The following MYO19 variants were observed in gnomAD, a reference collection of about 807,000 sequenced individuals.
The protein encoded by MYO19 is myosin XIX.
In MYO19, 132 loss-of-function variants were observed where a neutral mutation model predicts 129.2. The observed-to-expected ratio is 1.02, with a 90% confidence interval of 0.89 to 1.18. The LOEUF is 1.18. MYO19 is among the 50% of genes most tolerant of loss of function. MYO19 has a pLI of 0.00. For missense variants in MYO19, 1,210 were observed against 1,216.7 expected, an observed-to-expected ratio of 0.99 and a Z score of 0.08; for synonymous variants, 531 against 477.2, an observed-to-expected ratio of 1.11 and a Z score of -1.47.
Position 36,507,899 on chromosome 17 carries a change from T to C in MYO19, c.1257A>G (p.Glu419=). ...FIGLLDVYGF[E]SFPDNSLEQL... is the part of the protein sequence containing the mutation. Reference sequence around the variant, plus strand: ...GTTCCAGACTGTTGTCAGGAAATGATTCAAATCCATACACATCCAGCAGGC... The same window carrying C: ...GTTCCAGACTGTTGTCAGGAAATGACTCAAATCCATACACATCCAGCAGGC... Residue 419 remains glutamate (E), a synonymous_variant, in exon 15 of 26, where the codon GAA becomes GAG. Coordinates refer to ENST00000614623, the MANE Select transcript of MYO19 (RefSeq NM_001163735.2). 1 of 1,611,556 alleles carries C rather than the reference T, an allele frequency of 6.2e-7. No individual in the cohort carries two copies. Among genetic ancestry groups the C allele is most frequent in the East Asian group, 2.2e-5 (1 of 44,802 alleles).
Position 36,513,791 on chromosome 17 carries a change from G to A in MYO19, c.721-66C>T, listed in dbSNP as rs2072539770. The A allele has an allele frequency of 5.6e-6, 8 of 1,423,928 alleles. No individual in the cohort carries two copies. In the South Asian group the frequency reaches 9.7e-5, roughly 17 times the overall value. The allele number at this position is 1,423,928 out of a possible 1,614,324, so 88.2% of individuals were successfully genotyped here. ...AGAAAAGCCCAGGCCTGCATAGGCA[G>A]GCATGGGGTTGGGATAAGAGGAGAG... On this transcript the variant is annotated intron_variant, in intron 9 of 25. Coordinates refer to ENST00000614623, the MANE Select transcript of MYO19 (RefSeq NM_001163735.2).
At chr17:36,498,739 G>C in intron 24 of MYO19, 180 bp from the exon 25 acceptor site, 1 of 655,462 alleles carries the variant, frequency 1.5e-6, no homozygotes, top group Non-Finnish European at 2.6e-6. Flanking sequence ...TACACCCCAG[G>C]CAACTGTGCT....
chr17:36,543,326 T>C (rs1458142900), exon 1 of MYO19: 1 of 151,790 alleles, frequency 6.6e-6, no homozygotes, highest in Non-Finnish European at 1.5e-5. Context: ...CGGCTAATTT[T>C]GTATTTTTAG....
chr17:36,507,827 C>T lies in MYO19; in HGVS notation c.1329G>A (p.Val443=). 1 of 1,613,188 alleles carries T rather than the reference C, an allele frequency of 6.2e-7. No homozygotes were observed. The highest frequency in any genetic ancestry group is 1.1e-5 in the South Asian group (1 of 90,982). Residue 443 remains valine, a synonymous_variant, in exon 15 of 26, where the codon GTG becomes GTA. Transcript: ENST00000614623. ...YANEKLQQHF[V]AHYLRAQQEE... Reference sequence around the variant, plus strand: ...CCTGCTGGGCCCTTAGGTAGTGAGCCACAAAATGCTGCTGCAGCTTCTCAT... The same window carrying T: ...CCTGCTGGGCCCTTAGGTAGTGAGCTACAAAATGCTGCTGCAGCTTCTCAT...
chr17:36,543,797 G>T (rs987701893), upstream of MYO19, among the ~76,000 whole-genome samples: 1 of 151,810 alleles, frequency 6.6e-6, no homozygotes, highest in African/African-American at 2.4e-5. Context: ...GCTAATTTTT[G>T]TATTTTTAGT....
At chr17:36,523,119 G>A (rs1294858802) in intron 6 of MYO19, among the ~76,000 whole-genome samples, 6 of 149,954 alleles carry the variant, frequency 4.0e-5, no homozygotes, top group African/African-American at 1.2e-4. Context: ...CTGGGGAGGC[G>A]GAGGCTGCAG....
chr17:36,511,134 A>G, intron 12 of MYO19: 1 of 670,028 alleles, frequency 1.5e-6, no homozygotes, highest in Non-Finnish European at 2.5e-6. Flanking sequence ...CATGTATGGG[A>G]CAAATCACTT....
upstream of MYO19, among the ~76,000 whole-genome samples, chr17:36,544,456 TTC>T (rs1316643471): frequency 6.6e-6 from 1 of 152,170 alleles, no homozygotes; most frequent in African/African-American, 2.4e-5. Context: ...CGTCTCCCTT[TTC>T]TCACTGCCTT....
chr17:36,506,415 G>C, intron 18 of MYO19, 41 bp downstream of exon 18: 1 of 1,604,274 alleles, frequency 6.2e-7, no homozygotes, highest in Non-Finnish European at 8.5e-7. Context: ...TGAGACCGTG[G>C]AGTTTGAACC....
At chr17:36,537,907 C>G (rs2142618358), upstream of MYO19, 1 of 1,614,056 alleles carries the variant, frequency 6.2e-7, no homozygotes, top group Non-Finnish European at 8.5e-7. Flanking sequence ...CTCGGCATTA[C>G]TGTATTATAC....
intron 6 of MYO19, among the ~76,000 whole-genome samples, chr17:36,522,310 C>G (rs2073185212): frequency 6.6e-6 from 1 of 150,392 alleles, no homozygotes; most frequent in Non-Finnish European, 1.5e-5. Context: ...GAGTTCAAGA[C>G]CAGCCTGGCC....
At position 36,495,800 on chromosome 17, in the gene MYO19, A is replaced by C; in HGVS notation, c.*451T>G. 1 of 1,240,726 alleles carries C rather than the reference A, an allele frequency of 8.1e-7. No homozygotes were observed. The highest frequency in any genetic ancestry group is 1.0e-6 in the Non-Finnish European group (1 of 992,634). 76.9% of individuals were successfully genotyped at this position (1,240,726 alleles called of 1,614,324 possible). A position where few individuals can be genotyped will look rare whatever the true frequency, so the allele number is the denominator to read the frequency against. On this transcript the variant is annotated 3_prime_UTR_variant, in exon 26 of 26. Coordinates refer to ENST00000614623, the MANE Select transcript of MYO19 (RefSeq NM_001163735.2). ...TTAATTGTTTGAAATTACATTAAAT[A>C]AATCAACTAATTAAATACTAAAGTT...
chr17:36,542,903 A>G (rs2142636202), intron 1 of MYO19, among the ~76,000 whole-genome samples: 1 of 151,302 alleles, frequency 6.6e-6, no homozygotes, highest in South Asian at 2.1e-4. Context: ...TTTAGTAGAG[A>G]CAGGTTTTCT....
chr17:36,544,661 C>T (rs2074227832), upstream of MYO19, among the ~76,000 whole-genome samples: 3 of 152,222 alleles, frequency 2.0e-5, no homozygotes, highest in Non-Finnish European at 4.4e-5. Flanking sequence ...GCCTTCCCGG[C>T]CCGCGGCTGG....
chr17:36,516,192 C>T (rs930062801), intron 6 of MYO19, among the ~76,000 whole-genome samples: 1 of 152,162 alleles, frequency 6.6e-6, no homozygotes, highest in Non-Finnish European at 1.5e-5. Context: ...ATCTGTTTCT[C>T]TCAGCTCTGT....
At chr17:36,508,901 T>TG (rs1487742663) in intron 14 of MYO19, 161 bp downstream of exon 14, 1 of 652,900 alleles carries the variant, frequency 1.5e-6, no homozygotes, top group East Asian at 2.7e-5. Context: ...TCTCACCCTA[T>TG]GCAGAGATCT....
chr17:36,512,822 G>A, intron 11 of MYO19: 2 of 1,263,582 alleles, frequency 1.6e-6, no homozygotes, highest in Non-Finnish European at 2.1e-6. Context: ...AGCTCTGTCA[G>A]CAAAGACAGA....
At chr17:36,498,220 G>A (rs1284209555) in intron 25 of MYO19, 46 bp downstream of exon 25, 1 of 1,576,196 alleles carries the variant, frequency 6.3e-7, no homozygotes, top group Non-Finnish European at 8.6e-7. Flanking sequence ...CTTTGCTCCT[G>A]CTGTTCTCAG....
At chr17:36,497,320 GAAA>G (rs112241229) in intron 25 of MYO19, among the ~76,000 whole-genome samples, 2 of 132,554 alleles carry the variant, frequency 1.5e-5, no homozygotes, top group African/African-American at 2.7e-5. Context: ...TAAATAACAT[GAAA>G]AAAAAAAAAA....
Sources: gnomAD v4.1 joint callset for allele counts (sites outside exome capture counted in the v4.1 genomes callset) on GRCh38, gnomAD v4.1.1 for gene constraint, MANE v1.5 for transcripts, NCBI Gene and HGNC (gene_info 2026-07-23, HGNC 2026-07-21) for gene names.